FRAS1: variants seen among roughly 807,000 people sequenced by gnomAD.
FRAS1 encodes Fraser extracellular matrix complex subunit 1.
A neutral mutation model predicts 435.2 loss-of-function variants in FRAS1; 290 were observed. The ratio of observed to expected loss-of-function variants is 0.67; its 90% CI spans 0.61 to 0.73. FRAS1 has a LOEUF of 0.73. Ranked by LOEUF, FRAS1 falls within the 30% of genes least tolerant of loss-of-function variation. FRAS1 has a pLI of 0.00. For missense variants in FRAS1, 4,860 were observed against 5,001.5 expected, an observed-to-expected ratio of 0.97 and a Z score of 0.85; for synonymous variants, 1,800 against 1,851.0, an observed-to-expected ratio of 0.97 and a Z score of 0.71.
At chr4:78,223,076 T>C (rs1261871202) in intron 2 of FRAS1, among the ~76,000 whole-genome samples, 3 of 152,144 alleles carry the variant, frequency 2.0e-5, no homozygotes, top group Non-Finnish European at 4.4e-5. Flanking sequence ...GAGTGAAGCA[T>C]TTTTGTGTTG....
intron 51 of FRAS1, 140 bp from the exon 52 acceptor site, chr4:78,472,040 C>T: frequency 1.2e-6 from 1 of 832,238 alleles, no homozygotes; most frequent in Non-Finnish European, 1.9e-6. Flanking sequence ...TCCTCATAGC[C>T]TCTCCAATCC....
chr4:78,483,799 A>ATATATACATATATATATAT (rs1560753038), intron 58 of FRAS1, among the ~76,000 whole-genome samples: 1 of 67,464 alleles, frequency 1.5e-5, no homozygotes, highest in Non-Finnish European at 3.5e-5. Context: ...TATATATATA[A>ATATATACATATATATATAT]AATTATGTAT....
chr4:78,103,609 T>A (rs1228022710), intron 2 of FRAS1, among the ~76,000 whole-genome samples: 1 of 152,098 alleles, frequency 6.6e-6, no homozygotes, highest in Non-Finnish European at 1.5e-5. Flanking sequence ...GAAAACAGGG[T>A]CTATGGGATG....
intron 2 of FRAS1, among the ~76,000 whole-genome samples, chr4:78,159,294 A>G (rs1212435181): frequency 1.3e-5 from 2 of 152,166 alleles, no homozygotes; most frequent in African/African-American, 4.8e-5. Context: ...ATATAGAGGA[A>G]GTGACCAAGG....
chr4:78,275,218 G>T (rs1726939802), intron 9 of FRAS1, among the ~76,000 whole-genome samples: 1 of 152,150 alleles, frequency 6.6e-6, no homozygotes, highest in African/African-American at 2.4e-5. Context: ...CTCTGCACAT[G>T]AGATGGGTCT....
At chr4:78,381,741 T>C (rs571776692) in intron 27 of FRAS1, among the ~76,000 whole-genome samples, 2 of 152,310 alleles carry the variant, frequency 1.3e-5, no homozygotes, top group African/African-American at 4.8e-5. Flanking sequence ...CTTTAACCTC[T>C]CATCACCTGT....
chr4:78,262,804 A>G (rs185716892), intron 6 of FRAS1, among the ~76,000 whole-genome samples: 1 of 152,162 alleles, frequency 6.6e-6, no homozygotes, highest in African/African-American at 2.4e-5. Context: ...TTAGTACTAA[A>G]CTCCTGTTTA....
At chr4:78,284,602 T>A in intron 13 of FRAS1, 54 bp downstream of exon 13, 1 of 1,496,734 alleles carries the variant, frequency 6.7e-7, no homozygotes, top group Non-Finnish European at 9.0e-7. Flanking sequence ...GATAGACTCA[T>A]CAAAGGTTGT....
chr4:78,375,289 C>T (rs1578283212), intron 25 of FRAS1, among the ~76,000 whole-genome samples: 1 of 152,124 alleles, frequency 6.6e-6, no homozygotes, highest in East Asian at 1.9e-4. Context: ...TTCGTCATTG[C>T]ACATTATAAC....
intron 2 of FRAS1, chr4:78,181,896 C>A (rs1405429068): frequency 3.7e-6 from 6 of 1,611,254 alleles, no homozygotes; most frequent in African/African-American, 2.7e-5. Context: ...GCGCTCTTGG[C>A]CCCAGGGCCC....
At chr4:78,445,992 T>C in intron 42 of FRAS1, 1 of 1,261,458 alleles carries the variant, frequency 7.9e-7, no homozygotes. Context: ...CAGTCTCATA[T>C]ATAAATGAAA....
chr4:78,339,603 A>C (rs573830527), intron 20 of FRAS1, among the ~76,000 whole-genome samples: 12 of 152,360 alleles, frequency 7.9e-5, no homozygotes, highest in Admixed American at 7.2e-4. Context: ...CTTTCTGAGC[A>C]TGGTTTCACC....
chr4:78,244,671 A>G (rs978899679), intron 3 of FRAS1, among the ~76,000 whole-genome samples: 1 of 152,210 alleles, frequency 6.6e-6, no homozygotes, highest in Non-Finnish European at 1.5e-5. Context: ...CTCTGGGAAC[A>G]ATGTAGATCT....
chr4:78,154,703 C>T (rs1189928252), intron 2 of FRAS1, among the ~76,000 whole-genome samples: 1 of 152,092 alleles, frequency 6.6e-6, no homozygotes, highest in Non-Finnish European at 1.5e-5. Context: ...CTAAGAAAAT[C>T]CATTTTTAAT....
chr4:78,370,042 C>T (rs1731438712), intron 23 of FRAS1, 58 bp downstream of exon 23: 1 of 1,526,272 alleles, frequency 6.6e-7, no homozygotes, highest in Non-Finnish European at 8.9e-7. Flanking sequence ...CACTTTACTA[C>T]TGATGTCTAG....
At chr4:78,258,651 T>C (rs1199788740) in intron 6 of FRAS1, among the ~76,000 whole-genome samples, 9 of 148,026 alleles carry the variant, frequency 6.1e-5, no homozygotes, top group Non-Finnish European at 1.2e-4. Flanking sequence ...ATTCTTTAAA[T>C]TTTTATTTTT....
intron 3 of FRAS1, among the ~76,000 whole-genome samples, chr4:78,244,265 C>T (rs1454897): frequency 0.61 from 92,047 of 151,726 alleles, 28,346 homozygotes; most frequent in Non-Finnish European, 0.67. Context: ...TTAACACACA[C>T]GCACACACAC....
chr4:78,473,026 C>T (rs915218155), intron 52 of FRAS1, among the ~76,000 whole-genome samples: 1 of 152,142 alleles, frequency 6.6e-6, no homozygotes, highest in African/African-American at 2.4e-5. Flanking sequence ...TTAGCACATA[C>T]CTTCCAAAGA....
rs770731516 is a variant in FRAS1, at chr4:78,539,361, C to G, written c.11366C>G (p.Ser3789Cys). 5.6e-6 allele frequency: 9 copies of G among 1,613,168 alleles called. No homozygotes were observed. Among genetic ancestry groups the G allele is most frequent in the Non-Finnish European group, 7.6e-6 (9 of 1,179,558 alleles). Residue 3789 changes from serine (S) to cysteine (C), a missense_variant, in exon 73 of 74, where the codon TCT becomes TGT. By Grantham distance (112) the Ser-to-Cys change is moderately radical. Transcript: ENST00000512123. ...GTGCCTTTTGAGGCTCACTTTGCCTCTGAGTTGCCTGATTTCCATGTGGTC... is the reference window on the plus strand; with the variant it reads ...GTGCCTTTTGAGGCTCACTTTGCCTGTGAGTTGCCTGATTTCCATGTGGTC... ...HDVPFEAHFA[S>C]ELPDFHVVSN... is the part of the protein sequence containing the mutation.
Sources: gnomAD v4.1 joint callset for allele counts (sites outside exome capture counted in the v4.1 genomes callset) on GRCh38, gnomAD v4.1.1 for gene constraint, MANE v1.5 for transcripts, NCBI Gene and HGNC (gene_info 2026-07-23, HGNC 2026-07-21) for gene names.